PPFIBP1: variants seen among roughly 807,000 people sequenced by gnomAD.
The protein encoded by PPFIBP1 is liprin-beta-1.
Under a neutral mutation model 137.8 loss-of-function variants are expected in PPFIBP1, and 112 were observed. The observed-to-expected ratio is 0.81, with a 90% CI of 0.70 to 0.95. The LOEUF is 0.95. Among genes scored for constraint, PPFIBP1 ranks in the 40% least tolerant of loss-of-function variants. The probability of loss-of-function intolerance (pLI) is 0.00; values close to 1 mark genes in which losing one functional copy is unlikely to be tolerated. For missense variants in PPFIBP1, 1,083 were observed against 1,196.6 expected, an observed-to-expected ratio of 0.91 and a Z score of 1.40; for synonymous variants, 378 against 417.3, an observed-to-expected ratio of 0.91 and a Z score of 1.15.
intron 1 of PPFIBP1, among the ~76,000 whole-genome samples, chr12:27,559,997 A>G (rs2049028194): frequency 6.6e-6 from 1 of 152,224 alleles, no homozygotes; most frequent in Non-Finnish European, 1.5e-5. Flanking sequence ...GCTTTCTTTA[A>G]TGATAAAATA....
chr12:27,595,889 ATATATATATAT>A (rs1443499326), intron 2 of PPFIBP1, among the ~76,000 whole-genome samples: 119 of 89,102 alleles, frequency 1.3e-3, no homozygotes, highest in South Asian at 4.8e-3. Flanking sequence ...ACAACAAAAT[ATATATATATAT>A]ATATATATAT....
intron 8 of PPFIBP1, chr12:27,655,270 T>C (rs1410589642): frequency 7.5e-7 from 1 of 1,327,810 alleles, no homozygotes; most frequent in Admixed American, 2.0e-5. Context: ...GTCCATGGCC[T>C]GTTGCTTTCT....
At chr12:27,597,023 C>T (rs2053391346) in intron 2 of PPFIBP1, among the ~76,000 whole-genome samples, 1 of 152,150 alleles carries the variant, frequency 6.6e-6, no homozygotes, top group African/African-American at 2.4e-5. Context: ...CGAAATAAAC[C>T]CATGTTCTGG....
At chr12:27,591,117 G>C (rs941545394) in intron 2 of PPFIBP1, among the ~76,000 whole-genome samples, 2 of 150,528 alleles carry the variant, frequency 1.3e-5, no homozygotes, top group African/African-American at 4.9e-5. Flanking sequence ...TGACAAGCTA[G>C]AAAGGTATCT....
chr12:27,666,649 A>G (rs552704587), intron 12 of PPFIBP1, among the ~76,000 whole-genome samples: 186 of 152,342 alleles, frequency 1.2e-3, no homozygotes, highest in African/African-American at 4.2e-3. Context: ...TTAAAATGGG[A>G]TAAAAGGATC....
At chr12:27,662,978 C>T (rs752667044) in intron 11 of PPFIBP1, among the ~76,000 whole-genome samples, 10 of 152,132 alleles carry the variant, frequency 6.6e-5, no homozygotes, top group South Asian at 2.1e-4. Context: ...CTTCTGATCT[C>T]GGCTGGCTTA....
intron 13 of PPFIBP1, 132 bp downstream of exon 13, chr12:27,667,452 A>C (rs2059924580): frequency 1.2e-6 from 1 of 801,740 alleles, no homozygotes; most frequent in Admixed American, 3.6e-5. Context: ...AGGTTATATA[A>C]ATAAATTGAC....
At chr12:27,582,711 C>T (rs2051263494) in intron 2 of PPFIBP1, among the ~76,000 whole-genome samples, 1 of 152,120 alleles carries the variant, frequency 6.6e-6, no homozygotes, top group Non-Finnish European at 1.5e-5. Flanking sequence ...AATTTACAGC[C>T]ATTGTAGCAG....
At chr12:27,581,602 T>C (rs1164952231) in intron 2 of PPFIBP1, among the ~76,000 whole-genome samples, 1 of 152,200 alleles carries the variant, frequency 6.6e-6, no homozygotes, top group African/African-American at 2.4e-5. Context: ...TGTACCCTTT[T>C]TGCAGTCTTT....
At chr12:27,556,397 C>A (rs1485166219) in intron 1 of PPFIBP1, among the ~76,000 whole-genome samples, 1 of 152,184 alleles carries the variant, frequency 6.6e-6, no homozygotes, top group East Asian at 1.9e-4. Flanking sequence ...CAGTTTCAGG[C>A]GTCACACCAA....
At chr12:27,587,041 T>G (rs1032966735) in intron 2 of PPFIBP1, among the ~76,000 whole-genome samples, 5 of 152,222 alleles carry the variant, frequency 3.3e-5, no homozygotes, top group African/African-American at 1.2e-4. Context: ...AAAAGCTAGA[T>G]AAACTCCTGA....
At chr12:27,535,072 C>T (rs769153811) in intron 1 of PPFIBP1, among the ~76,000 whole-genome samples, 2 of 152,148 alleles carry the variant, frequency 1.3e-5, no homozygotes, top group Non-Finnish European at 2.9e-5. Context: ...AATTGATAGG[C>T]ATAATATTCT....
chr12:27,573,406 T>G (rs1359355010), intron 1 of PPFIBP1, among the ~76,000 whole-genome samples: 1 of 151,904 alleles, frequency 6.6e-6, no homozygotes, highest in Non-Finnish European at 1.5e-5. Flanking sequence ...ACAAATATGG[T>G]TTTGAGTGTG....
At chr12:27,577,515 A>C (rs2050672869) in intron 1 of PPFIBP1, among the ~76,000 whole-genome samples, 2 of 152,238 alleles carry the variant, frequency 1.3e-5, no homozygotes. Context: ...AGGGCATCTC[A>C]AAAGGAACGT....
intron 2 of PPFIBP1, among the ~76,000 whole-genome samples, chr12:27,578,713 A>G (rs965724626): frequency 6.6e-6 from 1 of 152,220 alleles, no homozygotes; most frequent in Non-Finnish European, 1.5e-5. Flanking sequence ...CTCAGTAATA[A>G]TAACTACTAT....
At chr12:27,680,491 A>G (rs2060813699) in intron 21 of PPFIBP1, among the ~76,000 whole-genome samples, 2 of 152,214 alleles carry the variant, frequency 1.3e-5, no homozygotes. Context: ...CCTGTGCCTC[A>G]GTCTCCTCAT....
At chr12:27,562,540 A>T (rs1419852947) in intron 1 of PPFIBP1, among the ~76,000 whole-genome samples, 1 of 152,072 alleles carries the variant, frequency 6.6e-6, no homozygotes, top group Non-Finnish European at 1.5e-5. Flanking sequence ...CCATGATTTT[A>T]TTTTTTCCTT....
At chr12:27,557,955 A>T (rs1426948527) in intron 1 of PPFIBP1, among the ~76,000 whole-genome samples, 1 of 152,218 alleles carries the variant, frequency 6.6e-6, no homozygotes, top group Non-Finnish European at 1.5e-5. Flanking sequence ...GGAGCAGATC[A>T]CTTGGTTGTT....
chr12:27,619,239 T>A (rs556803790), intron 2 of PPFIBP1, among the ~76,000 whole-genome samples: 2 of 152,296 alleles, frequency 1.3e-5, no homozygotes, highest in South Asian at 2.1e-4. Context: ...AATTTGCCTA[T>A]AACGTAAGAA....
Sources: allele counts gnomAD v4.1 joint callset (sites outside exome capture counted in the v4.1 genomes callset), GRCh38; gene constraint gnomAD v4.1.1; transcripts MANE v1.5; gene names NCBI Gene and HGNC (gene_info 2026-07-23, HGNC 2026-07-21).